The following PCOLCE2 variants were observed in gnomAD, a reference collection of about 807,000 sequenced individuals.
PCOLCE2 encodes the protein procollagen C-proteinase enhancer 2.
PCOLCE2 carries 42 observed loss-of-function variants against 47.0 expected under a neutral mutation model. That is an observed-to-expected ratio of 0.89 (90% CI 0.70 to 1.16). PCOLCE2 has a LOEUF of 1.16. PCOLCE2 is among the 50% of genes most tolerant of loss of function. PCOLCE2 has a pLI of 0.00. For synonymous variants in PCOLCE2, 169 were observed against 191.7 expected (o/e 0.88, Z 0.98); for missense variants, 500 against 526.1 (o/e 0.95, Z 0.49).
chr3:142,868,903 G>A (rs376815551), intron 2 of PCOLCE2, among the ~76,000 whole-genome samples: 5 of 151,976 alleles, frequency 3.3e-5, no homozygotes, highest in South Asian at 2.1e-4. Context: ...TTTCTTTTGC[G>A]GCACCAAAAC....
At chr3:142,871,852 AT>A (rs887743119) in intron 2 of PCOLCE2, among the ~76,000 whole-genome samples, 6 of 152,162 alleles carry the variant, frequency 3.9e-5, no homozygotes, top group African/African-American at 1.4e-4. Flanking sequence ...ATACATACAT[AT>A]TTTTATATAC....
At position 142,823,628 on chromosome 3, in the gene PCOLCE2, A is replaced by G. The variant is rs201859637; in HGVS notation, c.866-13T>C. 231 of 1,518,724 alleles carry G rather than the reference A, an allele frequency of 1.5e-4. 2 individuals are homozygous for G. In the African/African-American group the frequency reaches 2.9e-3, roughly 19 times the overall value. 94.1% of individuals were successfully genotyped at this position (1,518,724 alleles called of 1,614,324 possible). ...GTGGGTTTTAAACCTTAATTCAAAGAAGACATAAGTTTCACGAAAAATGAA... is the reference window on the plus strand; with the variant it reads ...GTGGGTTTTAAACCTTAATTCAAAGGAGACATAAGTTTCACGAAAAATGAA... On this transcript the variant is annotated splice_polypyrimidine_tract_variant and intron_variant, in intron 6 of 8. Transcript: ENST00000295992.
Position 142,818,134 on chromosome 3 carries a change from G to A in PCOLCE2, c.*201C>T. 1 of 467,982 alleles carries A rather than the reference G, an allele frequency of 2.1e-6. No homozygotes were observed. The highest frequency in any genetic ancestry group is 3.7e-5 in the South Asian group (1 of 27,150). 29.0% of individuals were successfully genotyped at this position (467,982 alleles called of 1,614,324 possible). A position where few individuals can be genotyped will look rare whatever the true frequency, so the allele number is the denominator to read the frequency against. On this transcript the variant is annotated 3_prime_UTR_variant, in exon 9 of 9. Coordinates refer to ENST00000295992, the MANE Select transcript of PCOLCE2 (RefSeq NM_013363.4). ...TCGGCAGGTTTCCAATCAGATAGCT[G>A]CTCCTCTGACAGCAGGCAAAGAACT...
chr3:142,864,913 T>C (rs1212716507), intron 2 of PCOLCE2, among the ~76,000 whole-genome samples: 2 of 152,242 alleles, frequency 1.3e-5, no homozygotes, highest in Non-Finnish European at 2.9e-5. Context: ...TTGATGGGTA[T>C]TTGAAATGTA....
Position 142,848,229 on chromosome 3 carries a change from G to A in PCOLCE2, c.436C>T (p.Pro146Ser). The change falls in exon 3 of 9, where the codon CCA becomes TCA. Residue 146 changes from proline (P) to serine (S), a missense_variant. Pro to Ser is a moderately conservative substitution (Grantham distance 74, BLOSUM62 -1). Coordinates refer to ENST00000295992, the MANE Select transcript of PCOLCE2 (RefSeq NM_013363.4). ...GFMAMFSAAE[P>S]NERGDQYCGG... ...GTGGAAACAGTACCTCTTTCGTTTG[G>A]TTCAGCAGCGGAGAACATGGCCATG... The A allele has an allele frequency of 1.2e-6, 2 of 1,614,078 alleles. No homozygotes were observed. Among genetic ancestry groups the A allele is most frequent in the South Asian group, 1.1e-5 (1 of 91,086 alleles).
chr3:142,838,854 C>T lies in PCOLCE2; in HGVS notation c.626G>A (p.Arg209Gln), dbSNP rs138409602. ...KFDVERDNYC[R>Q]YDYVAVFNGG... ...ATTAAACACAGCCACATAATCATAT[C>T]GGCAGTAGTTATCTCGCTCCACATC... is the stretch of plus-strand genomic sequence containing the variant. Residue 209 changes from arginine to glutamine, a missense_variant, in exon 5 of 9, where the codon CGA becomes CAA. Physicochemically the swap from Arg to Gln is conservative, Grantham distance 43 (BLOSUM62 1). Coordinates refer to ENST00000295992, the MANE Select transcript of PCOLCE2 (RefSeq NM_013363.4). 47 of 1,612,006 alleles carry T rather than the reference C, an allele frequency of 2.9e-5. No homozygotes were observed. The highest frequency in any genetic ancestry group is 3.9e-5 in the Non-Finnish European group (46 of 1,178,180).
chr3:142,888,653 G>T, intron 1 of PCOLCE2, 161 bp downstream of exon 1: 1 of 451,080 alleles, frequency 2.2e-6, no homozygotes, highest in Non-Finnish European at 4.0e-6. Flanking sequence ...CCCGGGCTTA[G>T]CCTACCCGAG....
chr3:142,826,054 G>A (rs1937073047), intron 6 of PCOLCE2, among the ~76,000 whole-genome samples: 1 of 151,780 alleles, frequency 6.6e-6, no homozygotes, highest in Non-Finnish European at 1.5e-5. Flanking sequence ...GCCCAGGCTG[G>A]AGTGCAGTGG....
chr3:142,844,374 T>C (rs557282487), intron 3 of PCOLCE2, among the ~76,000 whole-genome samples: 8 of 152,344 alleles, frequency 5.3e-5, no homozygotes, highest in African/African-American at 1.9e-4. Flanking sequence ...ATGAACAGTT[T>C]TGTACACATT....
rs199548232 is a variant in PCOLCE2 at position 142,823,509 on chromosome 3, A to G, written c.949+23T>C. 564 of 1,447,298 alleles carry G rather than the reference A, an allele frequency of 3.9e-4. 1 individual carries two copies. The highest frequency in any genetic ancestry group is 5.2e-4 in the Non-Finnish European group (532 of 1,032,902). The allele number at this position is 1,447,298 out of a possible 1,614,324, so 89.7% of individuals were successfully genotyped here. A position where few individuals can be genotyped will look rare whatever the true frequency, so the allele number is the denominator to read the frequency against. On this transcript the variant is annotated intron_variant, in intron 7 of 8. Coordinates refer to ENST00000295992, the MANE Select transcript of PCOLCE2 (RefSeq NM_013363.4). ...GCCTCAAGTTTCTGGTTAAAGAGAA[A>G]AAGACTGGCTTTTATTTCTTACCAA...
At chr3:142,828,823 T>C (rs1937113400) in intron 6 of PCOLCE2, among the ~76,000 whole-genome samples, 2 of 152,152 alleles carry the variant, frequency 1.3e-5, no homozygotes, top group African/African-American at 2.4e-5. Flanking sequence ...CAAGGCTTAC[T>C]GAGCTGAGCT....
intron 2 of PCOLCE2, among the ~76,000 whole-genome samples, chr3:142,871,058 C>T (rs529885566): frequency 4.6e-5 from 7 of 152,166 alleles, no homozygotes; most frequent in Admixed American, 1.3e-4. Context: ...CTGCCAAAGC[C>T]GCTCCACCTC....
chr3:142,875,998 G>A (rs1933487396), intron 2 of PCOLCE2, among the ~76,000 whole-genome samples: 1 of 152,212 alleles, frequency 6.6e-6, no homozygotes, highest in East Asian at 1.9e-4. Flanking sequence ...CAGAGATACT[G>A]TCTGCTGCCA....
intron 2 of PCOLCE2, among the ~76,000 whole-genome samples, chr3:142,856,859 A>G (rs1467666963): frequency 6.6e-6 from 1 of 151,854 alleles, no homozygotes; most frequent in Non-Finnish European, 1.5e-5. Flanking sequence ...AGAAAACTGG[A>G]AATTCACTAC....
At chr3:142,884,422 C>G (rs1933684480) in intron 2 of PCOLCE2, among the ~76,000 whole-genome samples, 1 of 152,178 alleles carries the variant, frequency 6.6e-6, no homozygotes, top group African/African-American at 2.4e-5. Flanking sequence ...ATACCCACGT[C>G]CCCGTATTTG....
intron 7 of PCOLCE2, 89 bp from the exon 8 acceptor site, chr3:142,821,134 G>T: frequency 1.0e-6 from 1 of 1,003,220 alleles, no homozygotes; most frequent in East Asian, 2.5e-5. Flanking sequence ...CTAAGTTTCA[G>T]ATACGAAACA....
intron 5 of PCOLCE2, among the ~76,000 whole-genome samples, chr3:142,834,404 T>G (rs1937181517): frequency 6.6e-6 from 1 of 152,224 alleles, no homozygotes; most frequent in Non-Finnish European, 1.5e-5. Context: ...TATAGCTCCA[T>G]TTATTTAGCT....
chr3:142,825,394 T>C (rs1303178610), intron 6 of PCOLCE2, among the ~76,000 whole-genome samples: 2 of 152,102 alleles, frequency 1.3e-5, no homozygotes, highest in Non-Finnish European at 2.9e-5. Context: ...CTCACAAAGC[T>C]GGTCCCGGTT....
chr3:142,885,784 C>T (rs1438101184), intron 2 of PCOLCE2, among the ~76,000 whole-genome samples: 1 of 152,206 alleles, frequency 6.6e-6, no homozygotes, highest in Admixed American at 6.5e-5. Flanking sequence ...GCTCATTCCT[C>T]TGCTTAAGAT....
Sources: allele counts gnomAD v4.1 joint callset (sites outside exome capture counted in the v4.1 genomes callset), GRCh38; gene constraint gnomAD v4.1.1; transcripts MANE v1.5; gene names NCBI Gene and HGNC (gene_info 2026-07-23, HGNC 2026-07-21).